The following B4GALNT3 variants were observed in gnomAD, a reference collection of about 807,000 sequenced individuals.
B4GALNT3 encodes the protein beta-1,4-N-acetylgalactosaminyltransferase 3.
A neutral mutation model predicts 120.2 loss-of-function variants in B4GALNT3; 86 were observed. The ratio of observed to expected loss-of-function variants is 0.72; its 90% CI spans 0.60 to 0.86. The LOEUF is 0.86. B4GALNT3 is among the 40% of genes least tolerant of loss of function. The probability of loss-of-function intolerance (pLI) is 0.00; values close to 1 mark genes in which losing one functional copy is unlikely to be tolerated. For synonymous variants in B4GALNT3, 518 were observed against 510.4 expected (o/e 1.01, Z -0.20); for missense variants, 1,167 against 1,298.9 (o/e 0.90, Z 1.56).
At chr12:518,166 C>A (rs970435308) in intron 1 of B4GALNT3, among the ~76,000 whole-genome samples, 1 of 152,176 alleles carries the variant, frequency 6.6e-6, no homozygotes, top group Non-Finnish European at 1.5e-5. Flanking sequence ...TATTAAGGAA[C>A]TTGCCAAAGG....
rs116260118 is a variant in B4GALNT3 at position 533,179 on chromosome 12, G to C, written c.170-1987G>C. 3.2e-3 allele frequency among the ~76,000 whole-genome samples: 488 copies of C among 152,374 alleles called. 2 individuals carry two copies. Among genetic ancestry groups the C allele is most frequent in the African/African-American group, 0.011 (461 of 41,592 alleles). ...GATCCTCAGGGCTGGGAAGGGATGAGCTCTTGCTTTAGATCATGTGTTTGG... is the reference window on the plus strand; with the variant it reads ...GATCCTCAGGGCTGGGAAGGGATGACCTCTTGCTTTAGATCATGTGTTTGG... On this transcript the variant is annotated intron_variant, in intron 1 of 19. Coordinates refer to ENST00000266383, the MANE Select transcript of B4GALNT3 (RefSeq NM_173593.4).
At chr12:541,882 A>G (rs983680898) in intron 3 of B4GALNT3, among the ~76,000 whole-genome samples, 4 of 75,978 alleles carry the variant, frequency 5.3e-5, no homozygotes, top group African/African-American at 1.6e-4. Flanking sequence ...TCTGGCCTCC[A>G]GGCTGAACAC....
intron 16 of B4GALNT3, 27 bp downstream of exon 16, chr12:557,788 G>A: frequency 6.3e-7 from 1 of 1,588,508 alleles, no homozygotes; most frequent in Non-Finnish European, 8.5e-7. Context: ...GCCAGGGGGT[G>A]GCATGGGCCA....
At chr12:542,945 C>T (rs1300515589) in intron 3 of B4GALNT3, among the ~76,000 whole-genome samples, 2 of 152,100 alleles carry the variant, frequency 1.3e-5, no homozygotes, top group South Asian at 2.1e-4. Flanking sequence ...GTTTCACCGG[C>T]AGACAGCTGT....
intron 1 of B4GALNT3, among the ~76,000 whole-genome samples, chr12:528,367 A>C (rs1208991577): frequency 6.6e-6 from 1 of 152,142 alleles, no homozygotes; most frequent in Non-Finnish European, 1.5e-5. Flanking sequence ...CTGAGATTAC[A>C]GGTGTGAGCC....
At chr12:555,790 TA>T (rs1254734969) in intron 14 of B4GALNT3, among the ~76,000 whole-genome samples, 2 of 147,224 alleles carry the variant, frequency 1.4e-5, no homozygotes, top group Non-Finnish European at 3.0e-5. Flanking sequence ...TATTTTTATT[TA>T]TTTTTTTTTT....
Position 552,141 on chromosome 12 carries a change from GA to G in B4GALNT3, c.1190del (p.Asn397ThrfsTer34). Reference protein sequence around the residue: ...METHNKCFYQENAYYQDRFSF... With the variant: ...METHNKCFYQXNAYYQDRFSF... ...GACCCACAATAAATGTTTCTACCAG[GA>G]AAACGCCTACTACCAAGACCGGTGA... On this transcript the variant is annotated frameshift_variant, in exon 12 of 20. Transcript: ENST00000266383. LOFTEE classifies it high-confidence loss of function. The G allele has an allele frequency of 6.2e-7, 1 of 1,611,836 alleles. No homozygotes were observed. Among genetic ancestry groups the G allele is most frequent in the Non-Finnish European group, 8.5e-7 (1 of 1,177,998 alleles).
At chr12:484,347 C>T (rs1456189426) in intron 1 of B4GALNT3, among the ~76,000 whole-genome samples, 2 of 152,202 alleles carry the variant, frequency 1.3e-5, no homozygotes, top group East Asian at 3.8e-4. Flanking sequence ...CAATGCCATC[C>T]TGTTGGCACG....
intron 1 of B4GALNT3, 23 bp from the exon 2 acceptor site, chr12:535,143 G>A (rs1946845394): frequency 1.3e-6 from 2 of 1,596,498 alleles, no homozygotes; most frequent in African/African-American, 1.3e-5. Flanking sequence ...TGACCTGAGG[G>A]CTCCTCTCTT....
chr12:512,594 C>G (rs1223065498), intron 1 of B4GALNT3, among the ~76,000 whole-genome samples: 1 of 122,820 alleles, frequency 8.1e-6, no homozygotes, highest in Non-Finnish European at 1.7e-5. Flanking sequence ...CACCTTCGAG[C>G]TTCCACCTTC....
At chr12:545,760 T>G (rs1263652177) in intron 6 of B4GALNT3, among the ~76,000 whole-genome samples, 5 of 61,148 alleles carry the variant, frequency 8.2e-5, no homozygotes, top group Admixed American at 2.0e-4. Flanking sequence ...GAGTGAGGAG[T>G]GGGGAGGTGA....
chr12:524,655 GAAA>G (rs899440472), intron 1 of B4GALNT3, among the ~76,000 whole-genome samples: 1 of 104,202 alleles, frequency 9.6e-6, no homozygotes, highest in East Asian at 3.3e-4. Flanking sequence ...AAAAAAAAAA[GAAA>G]AAAGAAAAGA....
At chr12:466,568 C>A (rs886578133) in intron 1 of B4GALNT3, among the ~76,000 whole-genome samples, 4 of 152,042 alleles carry the variant, frequency 2.6e-5, no homozygotes, top group African/African-American at 4.8e-5. Context: ...TACAAAAATG[C>A]GAGTGGAAGA....
In B4GALNT3 at chr12:480,738, T is replaced by C. The variant is rs1006128327; in HGVS notation, c.169+20193T>C. Among the ~76,000 whole-genome samples, 10 of 152,210 alleles carry C rather than the reference T, an allele frequency of 6.6e-5. No homozygotes were observed. In the East Asian group the frequency reaches 1.9e-3, roughly 29 times the overall value. ...CCTGAGAATAAAAGGGTGGGCTCCA[T>C]AGGCGGGGGCTGTGAGGAGGGGTGC... On this transcript the variant is annotated intron_variant, in intron 1 of 19. Coordinates refer to ENST00000266383, the MANE Select transcript of B4GALNT3 (RefSeq NM_173593.4).
At chr12:538,560 C>CAAAAAAA (rs771053015) in intron 3 of B4GALNT3, among the ~76,000 whole-genome samples, 11 of 64,022 alleles carry the variant, frequency 1.7e-4, no homozygotes, top group Non-Finnish European at 1.4e-4. Context: ...AACCCCATCT[C>CAAAAAAA]AAAAAAAAAA....
At chr12:479,952 C>T (rs56261536) in intron 1 of B4GALNT3, among the ~76,000 whole-genome samples, 7,676 of 132,496 alleles carry the variant, frequency 0.058, 315 homozygotes, top group East Asian at 0.22. Flanking sequence ...CTCGCTCTGT[C>T]GCCCAGGCTG....
intron 1 of B4GALNT3, among the ~76,000 whole-genome samples, chr12:474,947 C>CAAAAAAA (rs386375353): frequency 0.016 from 963 of 60,552 alleles, 49 homozygotes; most frequent in African/African-American, 0.051. Flanking sequence ...GACCTTGTCT[C>CAAAAAAA]AAAAAAAAAA....
At chr12:491,715 A>T (rs7955029) in intron 1 of B4GALNT3, among the ~76,000 whole-genome samples, 26,489 of 152,096 alleles carry the variant, frequency 0.17, 2,766 homozygotes, top group Middle Eastern at 0.37. Flanking sequence ...TACAACTAAC[A>T]TTATACTTAA....
At chr12:555,172 T>C in intron 14 of B4GALNT3, 2 of 335,312 alleles carry the variant, frequency 6.0e-6, no homozygotes, top group South Asian at 2.3e-5. Context: ...AGTGAGACTC[T>C]GTCTCAAAAA....
Sources: allele counts gnomAD v4.1 joint callset (sites outside exome capture counted in the v4.1 genomes callset), GRCh38; gene constraint gnomAD v4.1.1; transcripts MANE v1.5; gene names NCBI Gene and HGNC (gene_info 2026-07-23, HGNC 2026-07-21).